The following TMEM235 variants were observed in gnomAD, a reference collection of about 807,000 sequenced individuals.
TMEM235 encodes the protein claudin-27.
In TMEM235, 23 loss-of-function variants were observed where a neutral mutation model predicts 22.9. The ratio of observed to expected loss-of-function variants is 1.00; its 90% CI spans 0.72 to 1.42. TMEM235 has a LOEUF of 1.42. Ranked by LOEUF, TMEM235 falls within the 40% of genes most tolerant of loss-of-function variation. The probability of loss-of-function intolerance (pLI) is 0.00; values close to 1 mark genes in which losing one functional copy is unlikely to be tolerated. For missense variants in TMEM235, 308 were observed against 299.5 expected (o/e 1.03, Z -0.21); for synonymous variants, 137 against 140.5 (o/e 0.98, Z 0.17).
At chr17:78,233,731 TAA>T (rs1376284850) in intron 2 of TMEM235, among the ~76,000 whole-genome samples, 162 bp from the exon 2 acceptor site, 1 of 150,810 alleles carries the variant, frequency 6.6e-6, no homozygotes, top group Non-Finnish European at 1.5e-5. Flanking sequence ...TAAACAAGGC[TAA>T]AGGTCTTGGG....
In TMEM235 at chr17:78,238,550, C is replaced by CTGTGTGTG. The variant is rs55893266; in HGVS notation, c.410-445_410-438dup. 0.026 allele frequency among the ~76,000 whole-genome samples: 3,579 copies of CTGTGTGTG among 138,248 alleles called. 69 individuals carry two copies. Among genetic ancestry groups the CTGTGTGTG allele is most frequent in the Non-Finnish European group, 0.034 (2,167 of 63,818 alleles). The allele number at this position is 138,248 out of a possible 152,430, so 90.7% of individuals were successfully genotyped here. A position where few individuals can be genotyped will look rare whatever the true frequency, so the allele number is the denominator to read the frequency against. ...GCTGCTGCCAGCAGAGGCCATGGCT[C>CTGTGTGTG]TGTGTGTGTGTGTGTGTGTGTGTGT... On this transcript the variant is annotated intron_variant, in intron 4 of 5. Transcript: ENST00000421688. This position sits in a 1 kb window ranked among gnomAD's most constrained non-coding sequence, Gnocchi z 4.3.
chr17:78,236,673 G>T lies in TMEM235; in HGVS notation c.409+1943G>T, dbSNP rs376080086. 9.2e-5 allele frequency among the ~76,000 whole-genome samples: 14 copies of T among 152,348 alleles called. No individual in the cohort carries two copies. The East Asian group carries it at 1.7e-3, about 19-fold the overall frequency. Reference sequence around the variant, plus strand: ...GTCCTCAGCCGCCCCTGTCAATCAAGGCTAGGCCCGAGCCAGGCCCTGATG... The same window carrying T: ...GTCCTCAGCCGCCCCTGTCAATCAATGCTAGGCCCGAGCCAGGCCCTGATG... On this transcript the variant is annotated intron_variant, in intron 4 of 5. Coordinates refer to ENST00000421688, the Ensembl canonical transcript of TMEM235.
At chr17:78,236,235 G>A (rs1241384299) in intron 4 of TMEM235, among the ~76,000 whole-genome samples, 2 of 152,112 alleles carry the variant, frequency 1.3e-5, no homozygotes, top group African/African-American at 4.8e-5. Context: ...AGATCATGCG[G>A]GGGGGCCTGG....
Position 78,237,227 on chromosome 17 carries a change from T to C in TMEM235, c.410-1797T>C, listed in dbSNP as rs1235286620. On this transcript the variant is annotated intron_variant, in intron 4 of 5. Transcript: ENST00000421688. This position sits in a 1 kb window ranked among gnomAD's most constrained non-coding sequence, Gnocchi z 4.7. ...CTCAGGATGTCACACCAAAGGCACC[T>C]GCCCAGGGTCAGCTCGGCCCTCACC... Among the ~76,000 whole-genome samples, 1 of 152,108 alleles carries C rather than the reference T, an allele frequency of 6.6e-6. No homozygotes were observed. The highest frequency in any genetic ancestry group is 1.5e-5 in the Non-Finnish European group (1 of 67,998).
exon 2 of TMEM235, chr17:78,231,647 G>T (rs1372924756): frequency 1.5e-6 from 2 of 1,299,874 alleles, no homozygotes; most frequent in East Asian, 1.1e-4. Context: ...TGCACAGCCC[G>T]GCCAGGCAGG....
intron 4 of TMEM235, among the ~76,000 whole-genome samples, chr17:78,236,444 A>C (rs1335531779): frequency 6.6e-6 from 1 of 152,148 alleles, no homozygotes; most frequent in Non-Finnish European, 1.5e-5. Flanking sequence ...TCCAGCTCTG[A>C]CTACATGCCG....
In TMEM235 at chr17:78,233,976, G is replaced by GT. The variant is rs1390989547; in HGVS notation, c.271+2dup. On this transcript the variant is annotated splice_donor_variant, in intron 3 of 5. Coordinates refer to ENST00000421688, the Ensembl canonical transcript of TMEM235. LOFTEE classifies it high-confidence loss of function. ...TCCACCTCGGTGCAGCACCTCATCT[G>GT]TGAGTCCTGGGTGGGGCCACCTCCC... The GT allele has an allele frequency of 6.6e-7, 1 of 1,523,780 alleles. No homozygotes were observed. Among genetic ancestry groups the GT allele is most frequent in the Non-Finnish European group, 8.8e-7 (1 of 1,140,364 alleles). 94.4% of individuals were successfully genotyped at this position (1,523,780 alleles called of 1,614,324 possible).
chr17:78,239,704 C>A (rs1420112212), intron 5 of TMEM235, 76 bp from the exon 5 acceptor site: 11 of 1,481,908 alleles, frequency 7.4e-6, no homozygotes, highest in Non-Finnish European at 9.0e-6. Flanking sequence ...TGTTAAATGC[C>A]GCAGGACTGG....
rs1229307861 is a variant in TMEM235 at position 78,238,397 on chromosome 17, A to AG, written c.410-621dup. On this transcript the variant is annotated intron_variant, in intron 4 of 5. Coordinates refer to ENST00000421688, the Ensembl canonical transcript of TMEM235. The surrounding 1 kb of genome is among the most constrained non-coding windows in gnomAD (Gnocchi z 4.3). ...GCCTGAAACTCAGAGCTGGGAGGAC[A>AG]GGGGGGCTCTGGAAGGGGAGTCAGA... 1.3e-4 allele frequency among the ~76,000 whole-genome samples: 20 copies of AG among 151,508 alleles called. No individual in the cohort carries two copies. The highest frequency in any genetic ancestry group is 4.8e-4 in the African/African-American group (20 of 41,248).
At chr17:78,234,407 C>A in intron 3 of TMEM235, 186 bp from the exon 3 acceptor site, 1 of 901,666 alleles carries the variant, frequency 1.1e-6, no homozygotes, top group Non-Finnish European at 1.8e-6. Context: ...GACGCCTCCC[C>A]TCCTGGCCTT....
intron 4 of TMEM235, among the ~76,000 whole-genome samples, chr17:78,235,644 AG>A (rs1418301750): frequency 7.6e-6 from 1 of 132,282 alleles, no homozygotes; most frequent in African/African-American, 2.9e-5. Context: ...TCTGTCTCCT[AG>A]GCTGGAGTGC....
intron 4 of TMEM235, among the ~76,000 whole-genome samples, chr17:78,235,081 C>T (rs568710085): frequency 1.3e-5 from 2 of 152,180 alleles, no homozygotes; most frequent in South Asian, 4.1e-4. Flanking sequence ...ATGGTAAAAC[C>T]CCATCTTTAC....
Position 78,239,278 on chromosome 17 carries a change from G to A in TMEM235, c.659+5G>A, listed in dbSNP as rs1197307967. The A allele has an allele frequency of 1.3e-6, 2 of 1,537,768 alleles. No individual in the cohort carries two copies. Among genetic ancestry groups the A allele is most frequent in the African/African-American group, 2.7e-5 (2 of 73,014 alleles). On this transcript the variant is annotated splice_donor_5th_base_variant and intron_variant, in intron 5 of 5. Coordinates refer to ENST00000421688, the Ensembl canonical transcript of TMEM235. ...TCCCCAGCAGGTGGGAGGGAGGTAAGAGGGGGCTGGGTTTCCCTTTGCACC... is the reference window on the plus strand; with the variant it reads ...TCCCCAGCAGGTGGGAGGGAGGTAAAAGGGGGCTGGGTTTCCCTTTGCACC...
rs1599046067 is a variant in TMEM235 at position 78,237,797 on chromosome 17, C to A, written c.410-1227C>A. On this transcript the variant is annotated intron_variant, in intron 4 of 5. Coordinates refer to ENST00000421688, the Ensembl canonical transcript of TMEM235. This position sits in a 1 kb window ranked among gnomAD's most constrained non-coding sequence, Gnocchi z 4.7. Reference sequence around the variant, plus strand: ...ATCCATAATTTCTGTTGCTACGCTGCCCAGCCGGGCAGGCATCCGTGTGTC... The same window carrying A: ...ATCCATAATTTCTGTTGCTACGCTGACCAGCCGGGCAGGCATCCGTGTGTC... Among the ~76,000 whole-genome samples the A allele has an allele frequency of 6.6e-6, 1 of 152,286 alleles. No homozygotes were observed. The highest frequency in any genetic ancestry group is 2.4e-5 in the African/African-American group (1 of 41,580).
intron 5 of TMEM235, 63 bp from the exon 5 acceptor site, chr17:78,239,717 T>C: frequency 6.7e-7 from 1 of 1,496,450 alleles, no homozygotes; most frequent in Non-Finnish European, 9.0e-7. Context: ...AGGACTGGGC[T>C]CCATGCTCCT....
rs2094771922 is a variant in TMEM235, at chr17:78,237,900, G to C, written c.410-1124G>C. Among the ~76,000 whole-genome samples, 1 of 152,178 alleles carries C rather than the reference G, an allele frequency of 6.6e-6. No individual in the cohort carries two copies. Among genetic ancestry groups the C allele is most frequent in the Non-Finnish European group, 1.5e-5 (1 of 68,028 alleles). On this transcript the variant is annotated intron_variant, in intron 4 of 5. Coordinates refer to ENST00000421688, the Ensembl canonical transcript of TMEM235. The surrounding 1 kb of genome is among the most constrained non-coding windows in gnomAD (Gnocchi z 4.7). Reference sequence around the variant, plus strand: ...TTCTTCCCAAGTTTGGTTCCCAGGAGGAATCACAGAAGACCAGGCTGTGTT... The same window carrying C: ...TTCTTCCCAAGTTTGGTTCCCAGGACGAATCACAGAAGACCAGGCTGTGTT...
At chr17:78,232,632 G>A (rs2076596007) in intron 2 of TMEM235, among the ~76,000 whole-genome samples, 1 of 152,142 alleles carries the variant, frequency 6.6e-6, no homozygotes, top group Admixed American at 6.5e-5. Context: ...TCCTGATGCC[G>A]CGGGGGCAGG....
intron 4 of TMEM235, among the ~76,000 whole-genome samples, chr17:78,236,088 C>A (rs2076639517): frequency 6.6e-6 from 1 of 152,222 alleles, no homozygotes; most frequent in Admixed American, 6.5e-5. Flanking sequence ...GGACACCAAA[C>A]CCTAGCACCG....
chr17:78,231,840 G>C, exon 2 of TMEM235: 2 of 1,188,700 alleles, frequency 1.7e-6, no homozygotes, highest in Non-Finnish European at 2.1e-6. Context: ...AGGTGGGGTC[G>C]ATCTCCCTGC....
Sources: allele counts gnomAD v4.1 joint callset (sites outside exome capture counted in the v4.1 genomes callset), GRCh38; gene constraint gnomAD v4.1.1; non-coding constraint Gnocchi (gnomAD v3.1); transcripts MANE v1.5; gene names NCBI Gene and HGNC (gene_info 2026-07-23, HGNC 2026-07-21).